KCNJ15: variants seen among roughly 807,000 people sequenced by gnomAD.
KCNJ15 encodes potassium inwardly rectifying channel subfamily J member 15, also known as ATP-sensitive inward rectifier potassium channel 15.
KCNJ15 carries 14 observed loss-of-function variants against 23.0 expected under a neutral mutation model. The ratio of observed to expected loss-of-function variants is 0.61; its 90% confidence interval spans 0.40 to 0.95. The LOEUF is 0.95. Among genes scored for constraint, KCNJ15 ranks in the 40% least tolerant of loss-of-function variants. KCNJ15 has a pLI of 0.00. For missense variants in KCNJ15, 388 were observed against 461.8 expected (o/e 0.84, Z 1.46); for synonymous variants, 185 against 183.2 (o/e 1.01, Z -0.08).
chr21:38,277,150 T>C (rs1394899483), intron 1 of KCNJ15, among the ~76,000 whole-genome samples: 1 of 151,838 alleles, frequency 6.6e-6, no homozygotes, highest in Non-Finnish European at 1.5e-5. Context: ...AAGTTGACAA[T>C]GGTCTTTCCA....
intron 1 of KCNJ15, among the ~76,000 whole-genome samples, chr21:38,273,790 C>T (rs1159134084): frequency 6.6e-6 from 1 of 152,212 alleles, no homozygotes. Flanking sequence ...TTCACGTGTG[C>T]TCTAGCATTC....
rs1601259129 is a variant in KCNJ15 at position 38,299,495 on chromosome 21, G to A, written c.234G>A (p.Trp78Ter). 6.2e-7 allele frequency: 1 copy of A among 1,614,164 alleles called. No individual in the cohort carries two copies. The highest frequency in any genetic ancestry group is 8.5e-7 in the Non-Finnish European group (1 of 1,180,028). ...TCGCTGCCACTTTTGTGATGACCTG[G>A]TTCCTTTTTGGAGTCATCTACTATG... ...TLFAATFVMTWFLFGVIYYAI... is the reference protein window; with the variant it reads ...TLFAATFVMT The change falls in exon 3 of 3, where the codon TGG becomes TGA. Residue 78 changes from tryptophan (W) to a stop codon, truncating the protein, a stop_gained. Coordinates refer to ENST00000398938, the MANE Select transcript of KCNJ15 (RefSeq NM_170736.3). LOFTEE classifies it high-confidence loss of function. The surrounding 1 kb of genome is among the most constrained non-coding windows in gnomAD (Gnocchi z 4.5).
At position 38,235,245 on chromosome 21, in the gene KCNJ15, A is replaced by AT. The variant is rs112128401; in HGVS notation, c.-398-21788dup. Among the ~76,000 whole-genome samples, 69 of 144,900 alleles carry AT rather than the reference A, an allele frequency of 4.8e-4. 1 individual carries two copies. Among genetic ancestry groups the AT allele is most frequent in the South Asian group, 1.5e-3 (7 of 4,592 alleles). On this transcript the variant is annotated intron_variant, in intron 1 of 4. Transcript: ENST00000547341. ...GCTTTGAGATTTAACTAAATTTCTT[A>AT]TTTTTTTTTTTTTAAAGTTGAGCTG...
At chr21:38,266,537 T>C (rs4491802) in intron 1 of KCNJ15, among the ~76,000 whole-genome samples, 28,573 of 152,196 alleles carry the variant, frequency 0.19, 3,063 homozygotes, top group East Asian at 0.44. Flanking sequence ...CAGTCTATCA[T>C]TGATGGGCAT....
At chr21:38,251,232 T>C (rs1049239388) in intron 1 of KCNJ15, among the ~76,000 whole-genome samples, 5 of 152,202 alleles carry the variant, frequency 3.3e-5, no homozygotes, top group African/African-American at 1.2e-4. Context: ...TATCCCTTCT[T>C]TGACGGGAAT....
In KCNJ15 at chr21:38,299,822, C is replaced by T. The variant is rs752787679; in HGVS notation, c.561C>T (p.Thr187=). Residue 187 remains threonine, a synonymous_variant, in exon 3 of 3, where the codon ACC becomes ACT. Transcript: ENST00000398938. The surrounding 1 kb of genome is among the most constrained non-coding windows in gnomAD (Gnocchi z 4.5). ...TIKFSHCAVI[T]KQNGKLCLVI... Reference sequence around the variant, plus strand: ...AGTTCAGCCACTGTGCAGTCATCACCAAGCAGAATGGGAAGCTGTGCTTGG... The same window carrying T: ...AGTTCAGCCACTGTGCAGTCATCACTAAGCAGAATGGGAAGCTGTGCTTGG... 2 of 1,614,066 alleles carry T rather than the reference C, an allele frequency of 1.2e-6. No individual in the cohort carries two copies. Among genetic ancestry groups the T allele is most frequent in the South Asian group, 1.1e-5 (1 of 91,078 alleles).
At chr21:38,255,817 T>C (rs1373567793), upstream of KCNJ15, among the ~76,000 whole-genome samples, 1 of 152,200 alleles carries the variant, frequency 6.6e-6, no homozygotes, top group East Asian at 1.9e-4. Context: ...GGAGAGGAAG[T>C]ATCATTCATT....
At position 38,305,168 on chromosome 21, in the gene KCNJ15, A is replaced by T. The variant is rs1029673470; in HGVS notation, c.*4779A>T. 20 of 152,038 alleles carry T rather than the reference A, an allele frequency of 1.3e-4. No individual in the cohort carries two copies. Among genetic ancestry groups the T allele is most frequent in the Non-Finnish European group, 2.2e-4 (15 of 68,004 alleles). The allele number at this position is 152,038 out of a possible 1,614,324, so 9.4% of individuals were successfully genotyped here. On this transcript the variant is annotated 3_prime_UTR_variant, in exon 3 of 3. Coordinates refer to ENST00000398938, the MANE Select transcript of KCNJ15 (RefSeq NM_170736.3). Reference sequence around the variant, plus strand: ...ACCTTCAGACACTTCACTTCACTTAACCCTATGGCCCTCCTTATCTTGCAC... The same window carrying T: ...ACCTTCAGACACTTCACTTCACTTATCCCTATGGCCCTCCTTATCTTGCAC...
intron 1 of KCNJ15, among the ~76,000 whole-genome samples, chr21:38,264,238 T>C (rs1981226085): frequency 6.6e-6 from 1 of 152,234 alleles, no homozygotes; most frequent in African/African-American, 2.4e-5. Context: ...TATTTCACCT[T>C]TTACACCCCT....
intron 1 of KCNJ15, among the ~76,000 whole-genome samples, chr21:38,286,795 A>G (rs953978414): frequency 2.6e-5 from 4 of 152,232 alleles, no homozygotes; most frequent in African/African-American, 9.6e-5. Context: ...TCACATGAGG[A>G]GAAAAGAACA....
At chr21:38,293,944 G>A (rs979157846) in intron 1 of KCNJ15, among the ~76,000 whole-genome samples, 26 of 152,200 alleles carry the variant, frequency 1.7e-4, no homozygotes, top group Non-Finnish European at 2.5e-4. Flanking sequence ...CCTTTAAAGC[G>A]GATCCTTCAC....
intron 1 of KCNJ15, among the ~76,000 whole-genome samples, chr21:38,295,414 TGTTA>T (rs1333954533): frequency 1.3e-5 from 2 of 152,222 alleles, no homozygotes. Context: ...ATGATTCTGA[TGTTA>T]GTTCTGTTTA....
At chr21:38,293,156 G>T (rs1417159362) in intron 1 of KCNJ15, among the ~76,000 whole-genome samples, 1 of 152,074 alleles carries the variant, frequency 6.6e-6, no homozygotes, top group Non-Finnish European at 1.5e-5. Flanking sequence ...ACAGCAACAA[G>T]AATTTTTTCT....
intron 1 of KCNJ15, among the ~76,000 whole-genome samples, chr21:38,287,176 C>A (rs1251152249): frequency 6.6e-6 from 1 of 152,192 alleles, no homozygotes; most frequent in African/African-American, 2.4e-5. Context: ...ATGTTAAGAG[C>A]CCCTGAGCTA....
intron 1 of KCNJ15, among the ~76,000 whole-genome samples, chr21:38,233,362 T>G (rs1332083963): frequency 6.6e-6 from 1 of 152,072 alleles, no homozygotes; most frequent in Non-Finnish European, 1.5e-5. Context: ...CTGAATCTTG[T>G]TTTTTTATCC....
At chr21:38,246,758 T>C (rs1979397781) in intron 1 of KCNJ15, among the ~76,000 whole-genome samples, 2 of 152,212 alleles carry the variant, frequency 1.3e-5, no homozygotes, top group South Asian at 2.1e-4. Context: ...GAGGAGTGTG[T>C]GTGTGGGTTA....
At chr21:38,274,144 G>A (rs1982395261) in intron 1 of KCNJ15, among the ~76,000 whole-genome samples, 2 of 152,338 alleles carry the variant, frequency 1.3e-5, no homozygotes, top group South Asian at 4.1e-4. Flanking sequence ...GTGCTTGCAG[G>A]CTGTTCCGCC....
intron 1 of KCNJ15, among the ~76,000 whole-genome samples, chr21:38,250,899 T>C (rs1479202670): frequency 1.3e-5 from 2 of 152,224 alleles, no homozygotes; most frequent in Non-Finnish European, 2.9e-5. Context: ...CTTGGAGTGT[T>C]GGGTTCAAAG....
At chr21:38,284,689 C>T (rs575184777) in intron 1 of KCNJ15, among the ~76,000 whole-genome samples, 4 of 152,284 alleles carry the variant, frequency 2.6e-5, no homozygotes, top group Admixed American at 6.5e-5. Flanking sequence ...ATGGGGGTGA[C>T]GGTCCTCAAG....
Sources: gnomAD v4.1 joint callset for allele counts (sites outside exome capture counted in the v4.1 genomes callset) on GRCh38, gnomAD v4.1.1 for gene constraint, Gnocchi (gnomAD v3.1) non-coding constraint, MANE v1.5 for transcripts, NCBI Gene and HGNC (gene_info 2026-07-23, HGNC 2026-07-21) for gene names.